Variants in OPA1 observed in about 807,000 individuals in gnomAD.
OPA1 encodes the protein dynamin-like GTPase OPA1, mitochondrial.
Under a neutral mutation model 152.9 loss-of-function variants are expected in OPA1, and 59 were observed. That is an observed-to-expected ratio of 0.39 (90% confidence interval 0.31 to 0.48). The LOEUF (loss-of-function observed/expected upper bound fraction) is 0.48. Among genes scored for constraint, OPA1 ranks in the 20% least tolerant of loss-of-function variants. OPA1 has a pLI of 0.96. For missense variants in OPA1, 1,008 were observed against 1,216.8 expected (o/e 0.83, Z 2.55); for synonymous variants, 400 against 389.9 (o/e 1.03, Z -0.31).
At chr3:193,667,069 CATG>C (rs1245385085) in intron 28 of OPA1, 98 bp from the exon 29 acceptor site, 36 of 697,200 alleles carry the variant, frequency 5.2e-5, no homozygotes, top group Admixed American at 3.0e-4. Flanking sequence ...ATAGTTCTAA[CATG>C]ATAAAAAATT....
intron 29 of OPA1, among the ~76,000 whole-genome samples, chr3:193,681,021 A>G (rs1406887233): frequency 1.3e-5 from 2 of 152,204 alleles, no homozygotes; most frequent in African/African-American, 4.8e-5. Flanking sequence ...TTCATTTTTT[A>G]CATTTAAAAA....
At chr3:193,686,893 A>C (rs986927135) in intron 29 of OPA1, among the ~76,000 whole-genome samples, 3 of 152,144 alleles carry the variant, frequency 2.0e-5, no homozygotes, top group African/African-American at 7.2e-5. Context: ...CTTAAAGTAC[A>C]CTGCATTAGT....
chr3:193,656,364 TGAGA>T (rs968426536), intron 22 of OPA1, among the ~76,000 whole-genome samples: 3 of 152,158 alleles, frequency 2.0e-5, no homozygotes, highest in African/African-American at 7.2e-5. Context: ...TTTTTTAAAA[TGAGA>T]GAGGGCTAAA....
chr3:193,614,066 T>C (rs1418975847), intron 1 of OPA1: 1 of 494,806 alleles, frequency 2.0e-6, no homozygotes, highest in East Asian at 5.5e-5. Flanking sequence ...AAGAAGAGGG[T>C]GGAGCTCTAC....
intron 29 of OPA1, among the ~76,000 whole-genome samples, chr3:193,685,076 T>C (rs1470339636): frequency 6.6e-6 from 1 of 151,938 alleles, no homozygotes; most frequent in Non-Finnish European, 1.5e-5. Flanking sequence ...CCAAGGCAGG[T>C]GGATCACGAG....
At chr3:193,687,827 A>G (rs1721120465) in intron 29 of OPA1, among the ~76,000 whole-genome samples, 1 of 152,248 alleles carries the variant, frequency 6.6e-6, no homozygotes, top group Non-Finnish European at 1.5e-5. Flanking sequence ...CTTTCTTGAA[A>G]AGCAAGAAAT....
In OPA1 at chr3:193,653,574, C is replaced by T. The variant is rs139065796; in HGVS notation, c.2013-1288C>T. On this transcript the variant is annotated intron_variant, in intron 21 of 30. Transcript: ENST00000361510. ...TAGTTGTATTTTTTTATTAGTGACC[C>T]ATGTTCTTTTAAGATGTCTTTCAAG... 2.8e-3 allele frequency among the ~76,000 whole-genome samples: 431 copies of T among 152,030 alleles called. 3 individuals carry two copies. Among genetic ancestry groups the T allele is most frequent in the South Asian group, 0.017 (83 of 4,824 alleles).
intron 29 of OPA1, 169 bp from the exon 30 acceptor site, chr3:193,691,894 A>C (rs1721734088): frequency 3.6e-6 from 2 of 557,568 alleles, no homozygotes; most frequent in African/African-American, 1.9e-5. Flanking sequence ...TCTGAGACCT[A>C]CTACTATAAT....
chr3:193,641,821 A>G (rs767290072), intron 11 of OPA1, among the ~76,000 whole-genome samples: 15 of 152,352 alleles, frequency 9.8e-5, no homozygotes, highest in African/African-American at 3.6e-4. Context: ...ATACATTGCT[A>G]TAACATTTCT....
chr3:193,661,852 A>G (rs1715340024), intron 25 of OPA1, among the ~76,000 whole-genome samples: 1 of 152,210 alleles, frequency 6.6e-6, no homozygotes. Flanking sequence ...TGAATAGTAC[A>G]TGTTTAAGCA....
At chr3:193,620,754 A>G (rs1447393283) in intron 6 of OPA1, among the ~76,000 whole-genome samples, 1 of 152,194 alleles carries the variant, frequency 6.6e-6, no homozygotes, top group East Asian at 1.9e-4. Context: ...TCAAGCCCCA[A>G]CTGATGGTTT....
intron 29 of OPA1, chr3:193,668,417 A>G (rs1410516240): frequency 6.4e-7 from 1 of 1,551,130 alleles, no homozygotes; most frequent in Non-Finnish European, 8.7e-7. Flanking sequence ...GGGCTCTGAC[A>G]TCCGTGCCAG....
intron 1 of OPA1, among the ~76,000 whole-genome samples, chr3:193,596,330 CCTTTCCTTTTCTTTT>C (rs1226810894): frequency 3.3e-5 from 4 of 121,426 alleles, no homozygotes; most frequent in Admixed American, 9.3e-5. Context: ...CCTTTCCTTT[CCTTTCCTTTTCTTTT>C]CTTTTCTTTT....
chr3:193,658,735 A>G (rs1714523733), intron 23 of OPA1, 152 bp from the exon 24 acceptor site: 1 of 630,002 alleles, frequency 1.6e-6, no homozygotes, highest in Admixed American at 2.4e-5. Flanking sequence ...CAAGTAAAAG[A>G]AGCTTATGCA....
rs1734108349 is a variant in OPA1, at chr3:193,643,638, T to G, written c.1477+11T>G. 1 of 1,596,332 alleles carries G rather than the reference T, an allele frequency of 6.3e-7. No homozygotes were observed. The highest frequency in any genetic ancestry group is 1.3e-5 in the African/African-American group (1 of 74,552). On this transcript the variant is annotated intron_variant, in intron 15 of 30. Transcript: ENST00000361510. ...TACTGTGTATTCAAGGTAAATCATA[T>G]CAAAAGATTTTAATGTACTGATATG...
intron 15 of OPA1, 93 bp downstream of exon 15, chr3:193,643,720 C>A: frequency 1.7e-6 from 2 of 1,143,056 alleles, no homozygotes; most frequent in Non-Finnish European, 2.6e-6. Context: ...TGTAAACATA[C>A]AAGATAAATG....
Position 193,593,426 on chromosome 3 carries a change from AT to A in OPA1, c.32+18del. 1 of 1,530,376 alleles carries A rather than the reference AT, an allele frequency of 6.5e-7. No homozygotes were observed. Among genetic ancestry groups the A allele is most frequent in the Non-Finnish European group, 8.8e-7 (1 of 1,134,372 alleles). 94.8% of individuals were successfully genotyped at this position (1,530,376 alleles called of 1,614,324 possible). On this transcript the variant is annotated intron_variant, in intron 1 of 30. Transcript: ENST00000361510. The stretch of plus-strand genomic sequence containing the variant: ...TGTGGCCTGGTAAGTGCAGGCTCTA[AT>A]CTGGCCCCGTTAATTCTGGGGCCTC...
At chr3:193,634,282 C>CA (rs34565427) in intron 8 of OPA1, among the ~76,000 whole-genome samples, 24,574 of 148,536 alleles carry the variant, frequency 0.17, 2,176 homozygotes, top group Non-Finnish European at 0.2. Context: ...CAACTACTTA[C>CA]AAAAAAAAAA....
chr3:193,617,390 T>C, intron 4 of OPA1, 105 bp downstream of exon 4: 1 of 714,264 alleles, frequency 1.4e-6, no homozygotes. Flanking sequence ...AAATATTTAG[T>C]ACCAATGAAA....
Sources: gnomAD v4.1 joint callset for allele counts (sites outside exome capture counted in the v4.1 genomes callset) on GRCh38, gnomAD v4.1.1 for gene constraint, MANE v1.5 for transcripts, NCBI Gene and HGNC (gene_info 2026-07-23, HGNC 2026-07-21) for gene names.